RIMS2: variants seen among roughly 807,000 people sequenced by gnomAD.
The protein encoded by RIMS2 is regulating synaptic membrane exocytosis protein 2.
A neutral mutation model predicts 174.4 loss-of-function variants in RIMS2; 59 were observed. That is an observed-to-expected ratio of 0.34 (90% CI 0.27 to 0.42). The LOEUF (loss-of-function observed/expected upper bound fraction) is 0.42. Ranked by LOEUF, RIMS2 falls within the 10% of genes least tolerant of loss-of-function variation. The pLI, the probability that RIMS2 is intolerant of heterozygous loss-of-function variation, is 1.00. For synonymous variants in RIMS2, 606 were observed against 572.5 expected, an observed-to-expected ratio of 1.06 and a Z score of -0.84; for missense variants, 1,620 against 1,666.3, an observed-to-expected ratio of 0.97 and a Z score of 0.48.
In RIMS2 at chr8:103,605,798, G is replaced by C. The variant is rs200372579; in HGVS notation, c.177-91288G>C. 2.0e-5 allele frequency among the ~76,000 whole-genome samples: 3 copies of C among 152,042 alleles called. 1 individual carries two copies. Among genetic ancestry groups the C allele is most frequent in the African/African-American group, 7.2e-5 (3 of 41,438 alleles). On this transcript the variant is annotated intron_variant, in intron 1 of 23. Transcript: ENST00000504942. The stretch of plus-strand genomic sequence containing the variant: ...CTAGTTTATTTGCATAGAGGTGTTT[G>C]TAGTATTCTCTGATGGTAGTTTGTA...
chr8:104,117,117 G>T (rs574922341), intron 19 of RIMS2, among the ~76,000 whole-genome samples: 1 of 152,090 alleles, frequency 6.6e-6, no homozygotes, highest in African/African-American at 2.4e-5. Flanking sequence ...AGGAAACTGA[G>T]GCAGGAGGAT....
At chr8:104,212,672 A>G (rs1440285702) in intron 19 of RIMS2, among the ~76,000 whole-genome samples, 1 of 152,222 alleles carries the variant, frequency 6.6e-6, no homozygotes, top group Non-Finnish European at 1.5e-5. Context: ...TCAAGAGAAC[A>G]GTATACTCTG....
At chr8:104,159,711 C>T (rs2098749201) in intron 19 of RIMS2, among the ~76,000 whole-genome samples, 1 of 152,084 alleles carries the variant, frequency 6.6e-6, no homozygotes, top group Non-Finnish European at 1.5e-5. Context: ...GCTCATAGAT[C>T]ATTTGTTTAT....
chr8:104,211,425 G>A (rs1201006441), intron 19 of RIMS2, among the ~76,000 whole-genome samples: 1 of 152,174 alleles, frequency 6.6e-6, no homozygotes, highest in Non-Finnish European at 1.5e-5. Context: ...TTTCAGTCTG[G>A]TGATCACCAG....
At chr8:103,512,296 T>G (rs1015468559) in intron 1 of RIMS2, among the ~76,000 whole-genome samples, 8 of 152,212 alleles carry the variant, frequency 5.3e-5, no homozygotes, top group African/African-American at 1.9e-4. Flanking sequence ...CCAGATTCAC[T>G]ATCACAAAGC....
chr8:103,652,558 A>C (rs2096471170), intron 1 of RIMS2, 66 bp from the exon 3 acceptor site: 1 of 839,264 alleles, frequency 1.2e-6, no homozygotes, highest in African/African-American at 1.8e-5. Flanking sequence ...ATTATGGATA[A>C]GAAAACGTTA....
chr8:103,557,757 T>C (rs2090764365), intron 1 of RIMS2, among the ~76,000 whole-genome samples: 1 of 152,218 alleles, frequency 6.6e-6, no homozygotes, highest in African/African-American at 2.4e-5. Flanking sequence ...CCTTGATTTA[T>C]AACTAAATTG....
At chr8:103,820,911 AT>A (rs1396441061) in intron 3 of RIMS2, among the ~76,000 whole-genome samples, 6 of 151,454 alleles carry the variant, frequency 4.0e-5, no homozygotes, top group African/African-American at 1.2e-4. Context: ...AAAAATATAT[AT>A]TTTATGTTAT....
intron 1 of RIMS2, among the ~76,000 whole-genome samples, chr8:103,669,332 T>G (rs898756659): frequency 1.3e-5 from 2 of 152,192 alleles, no homozygotes; most frequent in Non-Finnish European, 2.9e-5. Context: ...CAATTCAAGA[T>G]GAGATTTGGG....
At chr8:104,076,198 C>A (rs766011625) in intron 19 of RIMS2, among the ~76,000 whole-genome samples, 1 of 152,112 alleles carries the variant, frequency 6.6e-6, no homozygotes, top group Admixed American at 6.6e-5. Flanking sequence ...CCTTCAGTCC[C>A]ACTTACAAAA....
intron 20 of RIMS2, among the ~76,000 whole-genome samples, chr8:104,248,352 G>GT (rs1350809371): frequency 6.6e-6 from 1 of 152,148 alleles, no homozygotes; most frequent in Non-Finnish European, 1.5e-5. Flanking sequence ...ATCTATCATA[G>GT]TGCAGCTAAG....
At chr8:104,251,409 T>C (rs947043332) in intron 23 of RIMS2, among the ~76,000 whole-genome samples, 193 bp from the exon 30 acceptor site, 2 of 152,220 alleles carry the variant, frequency 1.3e-5, no homozygotes, top group Non-Finnish European at 2.9e-5. Flanking sequence ...ATGACCTTAA[T>C]GCTTCAGTAC....
chr8:104,076,198 C>T (rs766011625), intron 19 of RIMS2, among the ~76,000 whole-genome samples: 7 of 152,112 alleles, frequency 4.6e-5, no homozygotes, highest in Non-Finnish European at 7.4e-5. Context: ...CCTTCAGTCC[C>T]ACTTACAAAA....
intron 3 of RIMS2, among the ~76,000 whole-genome samples, chr8:103,788,094 G>A (rs1281505713): frequency 4.7e-5 from 7 of 150,172 alleles, no homozygotes; most frequent in Admixed American, 2.7e-4. Context: ...TCTTCACGTA[G>A]TTCTCGAGCC....
exon 3 of RIMS2, chr8:103,766,334 G>T (rs1284943785): frequency 1.9e-6 from 3 of 1,613,306 alleles, no homozygotes; most frequent in Non-Finnish European, 2.5e-6. Flanking sequence ...CTGATCAAAA[G>T]GTTCTTCGAG....
intron 19 of RIMS2, among the ~76,000 whole-genome samples, chr8:104,244,573 T>C (rs538510405): frequency 1.7e-4 from 26 of 152,320 alleles, no homozygotes; most frequent in African/African-American, 6.0e-4. Flanking sequence ...AAACAAAAGA[T>C]AGGCATAAAT....
chr8:103,914,753 A>G (rs1330214046), intron 6 of RIMS2, among the ~76,000 whole-genome samples: 1 of 152,140 alleles, frequency 6.6e-6, no homozygotes, highest in Non-Finnish European at 1.5e-5. Context: ...GTGAGTTGCT[A>G]TTATTTGCTT....
intron 19 of RIMS2, among the ~76,000 whole-genome samples, chr8:104,193,795 A>C (rs1203263325): frequency 6.6e-6 from 1 of 152,202 alleles, no homozygotes; most frequent in East Asian, 1.9e-4. Flanking sequence ...GATCTAATAT[A>C]AATTTCCTAT....
intron 19 of RIMS2, among the ~76,000 whole-genome samples, chr8:104,051,633 G>A (rs2096788364): frequency 1.3e-5 from 2 of 152,050 alleles, no homozygotes; most frequent in South Asian, 2.1e-4. Flanking sequence ...GCTGGAAAAA[G>A]AGAAAAGAAT....
Sources: allele counts gnomAD v4.1 joint callset (sites outside exome capture counted in the v4.1 genomes callset), GRCh38; gene constraint gnomAD v4.1.1; transcripts MANE v1.5; gene names NCBI Gene and HGNC (gene_info 2026-07-23, HGNC 2026-07-21).